The following MYT1 variants were observed in gnomAD, a reference collection of about 807,000 sequenced individuals.
The protein encoded by MYT1 is myelin transcription factor 1, also known as myelin transcription factor I.
Under a neutral mutation model 123.0 loss-of-function variants are expected in MYT1, and 23 were observed. The ratio of observed to expected loss-of-function variants is 0.19; its 90% confidence interval spans 0.13 to 0.26. The LOEUF (loss-of-function observed/expected upper bound fraction) is 0.26. Among genes scored for constraint, MYT1 ranks in the 10% least tolerant of loss-of-function variants. The probability of loss-of-function intolerance (pLI) is 1.00; values close to 1 mark genes in which losing one functional copy is unlikely to be tolerated. For missense variants in MYT1, 1,125 were observed against 1,472.5 expected, an observed-to-expected ratio of 0.76 and a Z score of 3.86; for synonymous variants, 518 against 575.3, an observed-to-expected ratio of 0.90 and a Z score of 1.43.
chr20:64,237,562 A>G (rs1984588973), intron 21 of MYT1, among the ~76,000 whole-genome samples, 172 bp downstream of exon 21: 1 of 152,252 alleles, frequency 6.6e-6, no homozygotes, highest in African/African-American at 2.4e-5. Context: ...GCCGCTCACA[A>G]TGCGGAGTCC....
rs555773347 is a variant in MYT1 at position 64,231,071 on chromosome 20, G to A, written c.2676-1093G>A. ...GCCCCCTGCTACCGTCCTCCCGAGC[G>A]CTTCCTGCGCTGACAGTGACTTCCC... On this transcript the variant is annotated intron_variant, in intron 18 of 22. Transcript: ENST00000328439. This position sits in a 1 kb window ranked among gnomAD's most constrained non-coding sequence, Gnocchi z 6.4. 5.4e-5 allele frequency among the ~76,000 whole-genome samples: 8 copies of A among 148,366 alleles called. 1 individual carries two copies. The South Asian group carries it at 8.9e-4, about 17-fold the overall frequency.
chr20:64,220,560 T>C (rs1355922589), intron 13 of MYT1, among the ~76,000 whole-genome samples: 1 of 152,132 alleles, frequency 6.6e-6, no homozygotes, highest in Non-Finnish European at 1.5e-5. Context: ...GAAAGAAGAA[T>C]CCTCCGAGGC....
chr20:64,214,909 C>T (rs1568713927), intron 10 of MYT1, among the ~76,000 whole-genome samples: 1 of 152,230 alleles, frequency 6.6e-6, no homozygotes, highest in African/African-American at 2.4e-5. Context: ...CAGGCCCTTC[C>T]CTGGTCTGCT....
At chr20:64,205,924 T>A in intron 6 of MYT1, 124 bp downstream of exon 6, 1 of 1,440,502 alleles carries the variant, frequency 6.9e-7, no homozygotes, top group South Asian at 1.4e-5. Flanking sequence ...ACAAGGCATG[T>A]CTTGTCCCAA....
In MYT1 at chr20:64,231,562, C is replaced by T. The variant is rs952312425; in HGVS notation, c.2676-602C>T. Among the ~76,000 whole-genome samples, 1 of 152,250 alleles carries T rather than the reference C, an allele frequency of 6.6e-6. No individual in the cohort carries two copies. Among genetic ancestry groups the T allele is most frequent in the Non-Finnish European group, 1.5e-5 (1 of 68,046 alleles). On this transcript the variant is annotated intron_variant, in intron 18 of 22. Transcript: ENST00000328439. This position sits in a 1 kb window ranked among gnomAD's most constrained non-coding sequence, Gnocchi z 6.4. ...GCGAGTCTCCCCCACATGAGGTCTG[C>T]GTTCTTCCTTCTAGAACATAGATCT...
chr20:64,171,642 C>G, intron 1 of MYT1, among the ~76,000 whole-genome samples: 1 of 150,474 alleles, frequency 6.6e-6, no homozygotes, highest in Non-Finnish European at 1.5e-5. Context: ...TGGAGGAACC[C>G]AAACCCTAAC....
rs114348166 is a variant in MYT1, at chr20:64,202,533, T to C, written c.87-2502T>C. On this transcript the variant is annotated intron_variant, in intron 4 of 22. Coordinates refer to ENST00000328439, the MANE Select transcript of MYT1 (RefSeq NM_004535.3). This position sits in a 1 kb window ranked among gnomAD's most constrained non-coding sequence, Gnocchi z 5.0. Reference sequence around the variant, plus strand: ...AGAACACGTCTGTAGCTCACCCTTCTTCTTCTGGCGCCTTCCTCCTTGAGC... The same window carrying C: ...AGAACACGTCTGTAGCTCACCCTTCCTCTTCTGGCGCCTTCCTCCTTGAGC... Among the ~76,000 whole-genome samples the C allele has an allele frequency of 3.5e-3, 530 of 152,184 alleles. 3 individuals are homozygous for C. Among genetic ancestry groups the C allele is most frequent in the South Asian group, 0.012 (58 of 4,796 alleles).
At chr20:64,210,500 C>G (rs1983634388) in intron 7 of MYT1, among the ~76,000 whole-genome samples, 4 of 152,368 alleles carry the variant, frequency 2.6e-5, no homozygotes, top group Admixed American at 2.6e-4. Flanking sequence ...CTTGGGGCAG[C>G]AGAGCAAGAG....
intron 1 of MYT1, among the ~76,000 whole-genome samples, chr20:64,184,312 A>G (rs183268704): frequency 6.6e-6 from 1 of 151,864 alleles, no homozygotes; most frequent in Admixed American, 6.6e-5. Context: ...GTGCGAGCTA[A>G]TTTTTGAGAG....
chr20:64,210,512 T>C (rs1250164078), intron 7 of MYT1, among the ~76,000 whole-genome samples: 1 of 152,140 alleles, frequency 6.6e-6, no homozygotes. Context: ...GAGCAAGAGC[T>C]CCTTCCCTTT....
chr20:64,182,340 G>A (rs753692976), intron 1 of MYT1, among the ~76,000 whole-genome samples: 1 of 152,234 alleles, frequency 6.6e-6, no homozygotes, highest in African/African-American at 2.4e-5. Flanking sequence ...CAGCCAATAC[G>A]CACGCACAGG....
In MYT1 at chr20:64,227,815, A is replaced by AAC; in HGVS notation, c.2592-73_2592-72insAC. On this transcript the variant is annotated intron_variant, in intron 17 of 22. Transcript: ENST00000328439. Reference sequence around the variant, plus strand: ...CTGGGGTCACAGAGCTTGAGGGGAGAGGGTGAGATGAACGGGTGTGAGAAG... The same window carrying AAC: ...CTGGGGTCACAGAGCTTGAGGGGAGAACGGGTGAGATGAACGGGTGTGAGAAG... 4 of 918,944 alleles carry AAC rather than the reference A, an allele frequency of 4.4e-6. No homozygotes were observed. In the South Asian group the frequency reaches 6.1e-5, roughly 14 times the overall value. 56.9% of individuals were successfully genotyped at this position (918,944 alleles called of 1,614,324 possible).
intron 2 of MYT1, among the ~76,000 whole-genome samples, chr20:64,194,016 C>A (rs1198028282): frequency 6.6e-6 from 1 of 152,114 alleles, no homozygotes; most frequent in Admixed American, 6.5e-5. Context: ...TCTCTGCAGC[C>A]CCTCTGACCA....
intron 1 of MYT1, among the ~76,000 whole-genome samples, chr20:64,188,566 A>C (rs1244079460): frequency 6.6e-6 from 1 of 152,188 alleles, no homozygotes; most frequent in Non-Finnish European, 1.5e-5. Flanking sequence ...CAAAGTGTGA[A>C]GCACACTCCC....
rs375295469 is a variant in MYT1, at chr20:64,240,496, C to G, written c.*48C>G. 6.7e-5 allele frequency: 107 copies of G among 1,587,162 alleles called. No homozygotes were observed. The African/African-American group carries it at 1.3e-3, about 19-fold the overall frequency. ...CCCAGCCCACCACACCGTTTACCTC[C>G]CTCGCCCTGCCCCGCACCGTGGGGA... On this transcript the variant is annotated 3_prime_UTR_variant, in exon 23 of 23. Transcript: ENST00000328439.
Position 64,218,413 on chromosome 20 carries a change from C to T in MYT1, c.1847-498C>T, listed in dbSNP as rs1983902831. Among the ~76,000 whole-genome samples the T allele has an allele frequency of 6.6e-6, 1 of 152,156 alleles. No homozygotes were observed. The highest frequency in any genetic ancestry group is 2.4e-5 in the African/African-American group (1 of 41,428). On this transcript the variant is annotated intron_variant, in intron 11 of 22. Coordinates refer to ENST00000328439, the MANE Select transcript of MYT1 (RefSeq NM_004535.3). The surrounding 1 kb of genome is among the most constrained non-coding windows in gnomAD (Gnocchi z 4.0). ...AAGGCAGTGATGGTTACCGGGGACA[C>T]CAAGTCAGCCTAAATATGGGTACAC...
chr20:64,171,253 G>A (rs1452621067), intron 1 of MYT1, among the ~76,000 whole-genome samples: 1 of 152,142 alleles, frequency 6.6e-6, no homozygotes, highest in African/African-American at 2.4e-5. Context: ...ATGACGTGCT[G>A]CAAGCTTGCT....
At chr20:64,178,393 G>T (rs916482827) in intron 1 of MYT1, among the ~76,000 whole-genome samples, 1 of 152,228 alleles carries the variant, frequency 6.6e-6, no homozygotes, top group Non-Finnish European at 1.5e-5. Context: ...CGTGCTGTGC[G>T]TGGTCCTGGT....
At chr20:64,165,344 G>A (rs1982049877) in intron 1 of MYT1, among the ~76,000 whole-genome samples, 1 of 152,140 alleles carries the variant, frequency 6.6e-6, no homozygotes, top group Non-Finnish European at 1.5e-5. Context: ...GCTCCTCTCA[G>A]CCCCTTTTTT....
Sources: gnomAD v4.1 joint callset for allele counts (sites outside exome capture counted in the v4.1 genomes callset) on GRCh38, gnomAD v4.1.1 for gene constraint, Gnocchi (gnomAD v3.1) non-coding constraint, MANE v1.5 for transcripts, NCBI Gene and HGNC (gene_info 2026-07-23, HGNC 2026-07-21) for gene names.